GAS2: variants seen among roughly 807,000 people sequenced by gnomAD.
The protein encoded by GAS2 is growth arrest-specific protein 2.
In GAS2, 20 loss-of-function variants were observed where a neutral mutation model predicts 37.5. The ratio of observed to expected loss-of-function variants is 0.53; its 90% CI spans 0.37 to 0.77. GAS2 has a LOEUF of 0.77. Among genes scored for constraint, GAS2 ranks in the 30% least tolerant of loss-of-function variants. The pLI is 0.00. For missense variants in GAS2, 336 were observed against 373.4 expected (o/e 0.90, Z 0.82); for synonymous variants, 144 against 132.2 (o/e 1.09, Z -0.61).
intron 2 of GAS2, among the ~76,000 whole-genome samples, chr11:22,680,799 T>A (rs540810274): frequency 6.6e-6 from 1 of 152,240 alleles, no homozygotes; most frequent in South Asian, 2.1e-4. Flanking sequence ...AAAATAGTCA[T>A]TTGTGTATTC....
At chr11:22,729,112 CA>C (rs922206005) in intron 4 of GAS2, among the ~76,000 whole-genome samples, 1 of 151,304 alleles carries the variant, frequency 6.6e-6, no homozygotes, top group African/African-American at 2.4e-5. Context: ...GTGTTTTGAA[CA>C]GCAAATAAAA....
intron 1 of GAS2, among the ~76,000 whole-genome samples, chr11:22,634,185 G>A (rs563201388): frequency 6.6e-6 from 1 of 152,246 alleles, no homozygotes; most frequent in South Asian, 2.1e-4. Context: ...GAGAGAATGA[G>A]AGCCAAGTGA....
At chr11:22,684,552 T>C (rs1233777740) in intron 2 of GAS2, among the ~76,000 whole-genome samples, 1 of 152,048 alleles carries the variant, frequency 6.6e-6, no homozygotes, top group Admixed American at 6.5e-5. Context: ...CTTGGATTAA[T>C]AGGAAACAAA....
At chr11:22,639,562 GGAA>G (rs1194577203) in intron 1 of GAS2, among the ~76,000 whole-genome samples, 1 of 151,988 alleles carries the variant, frequency 6.6e-6, no homozygotes, top group Non-Finnish European at 1.5e-5. Context: ...TTACAAAAGG[GGAA>G]AATCGTCAAA....
intron 6 of GAS2, among the ~76,000 whole-genome samples, chr11:22,753,053 A>G (rs1274182437): frequency 1.3e-5 from 2 of 152,100 alleles, no homozygotes; most frequent in Non-Finnish European, 2.9e-5. Flanking sequence ...AGTTCTCAGA[A>G]ATCATTCTTA....
At chr11:22,723,233 T>C (rs1852032702) in intron 3 of GAS2, among the ~76,000 whole-genome samples, 1 of 151,932 alleles carries the variant, frequency 6.6e-6, no homozygotes, top group South Asian at 2.1e-4. Context: ...GTGTTACTGC[T>C]AAATTCTTCT....
At chr11:22,632,793 A>G (rs552159855) in intron 1 of GAS2, among the ~76,000 whole-genome samples, 26 of 151,836 alleles carry the variant, frequency 1.7e-4, no homozygotes, top group African/African-American at 6.0e-4. Flanking sequence ...GGTTAATTCA[A>G]AAACCTTGTT....
At chr11:22,790,231 C>T (rs1369284546) in intron 7 of GAS2, among the ~76,000 whole-genome samples, 2 of 152,204 alleles carry the variant, frequency 1.3e-5, no homozygotes, top group African/African-American at 4.8e-5. Flanking sequence ...CACACCACCC[C>T]TGGTGCAGTC....
intron 4 of GAS2, among the ~76,000 whole-genome samples, chr11:22,729,069 G>GTCATTT (rs2134179573): frequency 6.6e-6 from 1 of 151,358 alleles, no homozygotes; most frequent in East Asian, 2.0e-4. Flanking sequence ...CATTTCAGTG[G>GTCATTT]CACAGAAGAT....
At chr11:22,768,408 T>A (rs1854805280) in intron 7 of GAS2, among the ~76,000 whole-genome samples, 1 of 152,226 alleles carries the variant, frequency 6.6e-6, no homozygotes, top group South Asian at 2.1e-4. Flanking sequence ...AGCTTTCTTT[T>A]ACATCACTAT....
At chr11:22,707,331 C>G (rs932296677) in intron 3 of GAS2, among the ~76,000 whole-genome samples, 4 of 152,194 alleles carry the variant, frequency 2.6e-5, no homozygotes, top group African/African-American at 9.6e-5. Flanking sequence ...CATGCCACAC[C>G]TTTCATTTCT....
At chr11:22,806,148 C>T (rs1208762224) in intron 7 of GAS2, among the ~76,000 whole-genome samples, 1 of 152,074 alleles carries the variant, frequency 6.6e-6, no homozygotes, top group Non-Finnish European at 1.5e-5. Flanking sequence ...AGCCCCTATT[C>T]AAGATGGAGT....
At chr11:22,664,650 G>C (rs2133849095), upstream of GAS2, among the ~76,000 whole-genome samples, 1 of 152,172 alleles carries the variant, frequency 6.6e-6, no homozygotes, top group East Asian at 1.9e-4. Context: ...ATTTTCCTAA[G>C]GTGAACAGTT....
At chr11:22,682,800 C>T (rs1009968268) in intron 2 of GAS2, among the ~76,000 whole-genome samples, 1 of 138,614 alleles carries the variant, frequency 7.2e-6, no homozygotes, top group Non-Finnish European at 1.5e-5. Flanking sequence ...GAGCCAAGAT[C>T]GTGCCACTGC....
chr11:22,728,044 G>T (rs1852296676), intron 4 of GAS2, among the ~76,000 whole-genome samples: 1 of 151,960 alleles, frequency 6.6e-6, no homozygotes, highest in African/African-American at 2.4e-5. Context: ...CCTCTGAATT[G>T]CCAAAGAACA....
At chr11:22,644,386 T>C (rs10833793) in intron 1 of GAS2, among the ~76,000 whole-genome samples, 22,846 of 152,072 alleles carry the variant, frequency 0.15, 2,093 homozygotes, top group East Asian at 0.22. Context: ...TAAAAATTCT[T>C]TCCAGTATTG....
intron 4 of GAS2, among the ~76,000 whole-genome samples, chr11:22,734,420 A>C (rs1852640430): frequency 6.6e-6 from 1 of 151,664 alleles, no homozygotes; most frequent in African/African-American, 2.4e-5. Context: ...AAAGATAAAC[A>C]TTTAAAATAT....
chr11:22,738,703 A>G (rs1396210981), intron 5 of GAS2, among the ~76,000 whole-genome samples: 1 of 152,216 alleles, frequency 6.6e-6, no homozygotes, highest in Non-Finnish European at 1.5e-5. Context: ...AGCAATTTAC[A>G]ACTTGGCTAG....
intron 3 of GAS2, among the ~76,000 whole-genome samples, chr11:22,715,738 G>C (rs560343218): frequency 7.6e-4 from 116 of 151,958 alleles, no homozygotes; most frequent in African/African-American, 2.5e-3. Flanking sequence ...TTCAGGACCA[G>C]GAAGATTTGT....
Sources: allele counts gnomAD v4.1 joint callset (sites outside exome capture counted in the v4.1 genomes callset), GRCh38; gene constraint gnomAD v4.1.1; transcripts MANE v1.5; gene names NCBI Gene and HGNC (gene_info 2026-07-23, HGNC 2026-07-21).